Variants in PALS1 observed in about 807,000 individuals in gnomAD.
The protein encoded by PALS1 is protein PALS1.
A neutral mutation model predicts 78.9 loss-of-function variants in PALS1; 31 were observed. The ratio of observed to expected loss-of-function variants is 0.39; its 90% confidence interval spans 0.30 to 0.53. The LOEUF is 0.53. Ranked by LOEUF, PALS1 falls within the 20% of genes least tolerant of loss-of-function variation. PALS1 has a pLI of 0.67. For synonymous variants in PALS1, 276 were observed against 270.9 expected (o/e 1.02, Z -0.18); for missense variants, 704 against 826.5 (o/e 0.85, Z 1.82).
rs1429954753 is a variant in PALS1 at position 67,323,261 on chromosome 14, G to GTGTGTGTGTA, written c.1741-440_1741-439insGTGTGTGTAT. Among the ~76,000 whole-genome samples the GTGTGTGTGTA allele has an allele frequency of 2.6e-3, 328 of 124,166 alleles. 1 individual carries two copies. The highest frequency in any genetic ancestry group is 8.8e-3 in the Admixed American group (110 of 12,556). The allele number at this position is 124,166 out of a possible 152,430, so 81.5% of individuals were successfully genotyped here. On this transcript the variant is annotated intron_variant, in intron 13 of 14. Transcript: ENST00000261681. ...TGTGTGTGTGTGTGTGTGTGTGTGT[G>GTGTGTGTGTA]TATATATATATATGGCTTCACAGTA...
chr14:67,283,223 T>C (rs1297241091), intron 3 of PALS1, among the ~76,000 whole-genome samples: 1 of 152,176 alleles, frequency 6.6e-6, no homozygotes, highest in Non-Finnish European at 1.5e-5. Context: ...AATATTTTCA[T>C]AGAATTAATA....
intron 5 of PALS1, among the ~76,000 whole-genome samples, 196 bp from the exon 6 acceptor site, chr14:67,301,776 A>T (rs2084935376): frequency 6.6e-6 from 1 of 152,336 alleles, no homozygotes; most frequent in East Asian, 1.9e-4. Flanking sequence ...TCCGAAGTTT[A>T]GTAAGCATTT....
chr14:67,288,357 C>T (rs542535520), intron 3 of PALS1, among the ~76,000 whole-genome samples: 1 of 152,264 alleles, frequency 6.6e-6, no homozygotes, highest in South Asian at 2.1e-4. Flanking sequence ...GCTGGGATTA[C>T]AGGCATGACC....
At chr14:67,332,552 T>C (rs2085466185) in intron 14 of PALS1, among the ~76,000 whole-genome samples, 1 of 152,188 alleles carries the variant, frequency 6.6e-6, no homozygotes, top group Non-Finnish European at 1.5e-5. Context: ...AATAGTGGTA[T>C]AAAACAGGAT....
At chr14:67,275,612 G>A (rs75034501) in intron 2 of PALS1, among the ~76,000 whole-genome samples, 1 of 152,142 alleles carries the variant, frequency 6.6e-6, no homozygotes, top group Non-Finnish European at 1.5e-5. Flanking sequence ...CCCGGCTTTG[G>A]TATCAGGATG....
At chr14:67,268,350 C>T (rs1402043191) in intron 1 of PALS1, among the ~76,000 whole-genome samples, 1 of 152,150 alleles carries the variant, frequency 6.6e-6, no homozygotes, top group African/African-American at 2.4e-5. Context: ...AAGGGGGTCC[C>T]GATCCAGATC....
intron 3 of PALS1, among the ~76,000 whole-genome samples, chr14:67,288,123 A>G (rs1303681613): frequency 6.6e-6 from 1 of 151,886 alleles, no homozygotes; most frequent in Non-Finnish European, 1.5e-5. Flanking sequence ...TCTGTCGCCC[A>G]GGCTGGAGTG....
At chr14:67,283,303 T>C (rs896353817) in intron 3 of PALS1, among the ~76,000 whole-genome samples, 38 of 152,196 alleles carry the variant, frequency 2.5e-4, no homozygotes, top group Admixed American at 1.4e-3. Flanking sequence ...AACTATTAAG[T>C]CAAAAGATTA....
intron 2 of PALS1, among the ~76,000 whole-genome samples, chr14:67,277,448 G>A (rs1013573257): frequency 6.6e-6 from 1 of 152,170 alleles, no homozygotes; most frequent in Non-Finnish European, 1.5e-5. Context: ...GACCCAAGAT[G>A]TTTGAGAAAA....
chr14:67,247,863 G>A (rs1458550648), intron 1 of PALS1, among the ~76,000 whole-genome samples: 1 of 152,138 alleles, frequency 6.6e-6, no homozygotes, highest in East Asian at 1.9e-4. Context: ...ACAGGCATGA[G>A]TCACAGTGCC....
chr14:67,252,340 A>G (rs1392064687), intron 1 of PALS1, among the ~76,000 whole-genome samples: 1 of 151,028 alleles, frequency 6.6e-6, no homozygotes, highest in Non-Finnish European at 1.5e-5. Context: ...TTTTTTGTAG[A>G]GATGAGGTCT....
Position 67,321,184 on chromosome 14 carries a change from G to C in PALS1, c.1665G>C (p.Leu555Phe). 2 of 1,614,194 alleles carry C rather than the reference G, an allele frequency of 1.2e-6. No individual in the cohort carries two copies. The highest frequency in any genetic ancestry group is 4.5e-5 in the East Asian group (2 of 44,888). ...AGCATGGTGAATTTGAGAAGAATTT[G>C]TATGGAACTAGCATAGATTCTGTAC... is the stretch of plus-strand genomic sequence containing the variant. ...FIEHGEFEKNLYGTSIDSVRQ... is the reference protein window; with the variant it reads ...FIEHGEFEKNFYGTSIDSVRQ... Residue 555 changes from leucine to phenylalanine, a missense_variant, in exon 13 of 15, where the codon TTG (leucine) becomes TTC (phenylalanine). Physicochemically the swap from Leu to Phe is conservative, Grantham distance 22. Coordinates refer to ENST00000261681, the MANE Select transcript of PALS1 (RefSeq NM_022474.4).
chr14:67,324,966 G>A (rs1485148232), intron 14 of PALS1, among the ~76,000 whole-genome samples: 2 of 134,580 alleles, frequency 1.5e-5, no homozygotes, highest in South Asian at 2.5e-4. Flanking sequence ...GTGCAGTAGC[G>A]CAATCTCGGC....
chr14:67,265,448 C>T (rs575843316), intron 1 of PALS1, among the ~76,000 whole-genome samples: 3 of 152,068 alleles, frequency 2.0e-5, no homozygotes, highest in East Asian at 3.9e-4. Context: ...CCCAGCTACA[C>T]AGGAGGCTGA....
intron 8 of PALS1, among the ~76,000 whole-genome samples, chr14:67,305,358 C>T (rs1462187548): frequency 6.6e-6 from 1 of 152,120 alleles, no homozygotes; most frequent in Non-Finnish European, 1.5e-5. Flanking sequence ...ACGACTCCTG[C>T]AGCCTTGACT....
At chr14:67,256,116 G>T (rs1473917190) in intron 1 of PALS1, among the ~76,000 whole-genome samples, 1 of 152,116 alleles carries the variant, frequency 6.6e-6, no homozygotes. Context: ...TGAATATTTT[G>T]TAAGATATCC....
chr14:67,310,814 T>C (rs189386932), intron 8 of PALS1, among the ~76,000 whole-genome samples: 1 of 152,174 alleles, frequency 6.6e-6, no homozygotes, highest in Non-Finnish European at 1.5e-5. Context: ...AAAAATTTTT[T>C]AAAAAGCCAT....
At chr14:67,296,934 C>T (rs1019541653) in intron 4 of PALS1, among the ~76,000 whole-genome samples, 4 of 152,112 alleles carry the variant, frequency 2.6e-5, no homozygotes, top group African/African-American at 7.2e-5. Context: ...GGATTACAGG[C>T]GTGAGCCACA....
At chr14:67,309,767 GTC>G (rs1024400812) in intron 8 of PALS1, among the ~76,000 whole-genome samples, 4 of 152,172 alleles carry the variant, frequency 2.6e-5, no homozygotes, top group Admixed American at 6.5e-5. Context: ...GAGTCTGAGA[GTC>G]TGAGGTGCGG....
Sources: gnomAD v4.1 joint callset for allele counts (sites outside exome capture counted in the v4.1 genomes callset) on GRCh38, gnomAD v4.1.1 for gene constraint, MANE v1.5 for transcripts, NCBI Gene and HGNC (gene_info 2026-07-23, HGNC 2026-07-21) for gene names.